The following ATIC variants were observed in gnomAD, a reference collection of about 807,000 sequenced individuals.
ATIC encodes the protein bifunctional purine biosynthesis protein ATIC.
A neutral mutation model predicts 72.5 loss-of-function variants in ATIC; 64 were observed. The observed-to-expected ratio is 0.88, with a 90% CI of 0.72 to 1.09. ATIC has a LOEUF of 1.09. Among genes scored for constraint, ATIC ranks in the 50% least tolerant of loss-of-function variants. The pLI is 0.00. For missense variants in ATIC, 787 were observed against 732.4 expected (o/e 1.07, Z -0.86); for synonymous variants, 281 against 267.1 (o/e 1.05, Z -0.51).
At chr2:215,367,697 C>T in the ATIC span, 1 of 727,208 alleles carries the variant, frequency 1.4e-6, no homozygotes, top group Non-Finnish European at 2.4e-6. Flanking sequence ...AATTTCCCAT[C>T]ATTTTTCTAT....
chr2:215,315,954 CAAA>C (rs1165120321), intron 2 of ATIC, among the ~76,000 whole-genome samples: 4 of 110,488 alleles, frequency 3.6e-5, no homozygotes, highest in African/African-American at 6.7e-5. Context: ...AACACTGTCT[CAAA>C]AAAAAAAAAA....
At chr2:215,347,507 T>C (rs2106044273) in intron 14 of ATIC, 1 of 464,796 alleles carries the variant, frequency 2.2e-6, no homozygotes, top group Non-Finnish European at 4.3e-6. Context: ...TCTAGCCCAG[T>C]TTCTGGACAT....
At chr2:215,344,715 A>T in intron 12 of ATIC, 64 bp from the exon 13 acceptor site, 1 of 1,477,230 alleles carries the variant, frequency 6.8e-7, no homozygotes. Context: ...ATTTAAAAAA[A>T]GAAGCTTAAA....
chr2:215,351,254 C>G (rs1342555815), downstream of ATIC, among the ~76,000 whole-genome samples: 2 of 152,230 alleles, frequency 1.3e-5, no homozygotes, highest in Admixed American at 1.3e-4. Context: ...CATCTGGCTT[C>G]AACCTCTTCA....
In ATIC at chr2:215,334,917, A is replaced by G. The variant is rs776096469; in HGVS notation, c.923-2A>G. ...AATACCTCATTTTAATTTTATTTAC[A>G]GGGGCTGATAGGATGTCTTCATTTG... On this transcript the variant is annotated splice_acceptor_variant, in intron 9 of 15. Coordinates refer to ENST00000236959, the MANE Select transcript of ATIC (RefSeq NM_004044.7). LOFTEE classifies it high-confidence loss of function. The G allele has an allele frequency of 1.9e-5, 31 of 1,612,184 alleles. No homozygotes were observed. Among genetic ancestry groups the G allele is most frequent in the Non-Finnish European group, 2.6e-5 (31 of 1,178,688 alleles).
At chr2:215,346,306 T>C (rs1436150748) in intron 13 of ATIC, among the ~76,000 whole-genome samples, 1 of 152,038 alleles carries the variant, frequency 6.6e-6, no homozygotes, top group East Asian at 1.9e-4. Context: ...GGACTGCAGG[T>C]GTGCGCCACT....
At chr2:215,315,477 C>G (rs1299176336) in intron 2 of ATIC, among the ~76,000 whole-genome samples, 1 of 152,168 alleles carries the variant, frequency 6.6e-6, no homozygotes, top group Non-Finnish European at 1.5e-5. Context: ...CCACCTCAGC[C>G]TCCTGAGTAT....
chr2:215,316,190 A>G (rs1410069990), intron 2 of ATIC, among the ~76,000 whole-genome samples: 1 of 152,130 alleles, frequency 6.6e-6, no homozygotes, highest in Non-Finnish European at 1.5e-5. Context: ...AATTACCCCA[A>G]ATGTTTAATT....
At chr2:215,365,043 A>C in the ATIC span, 1 of 1,109,494 alleles carries the variant, frequency 9.0e-7, no homozygotes, top group Non-Finnish European at 1.3e-6. Context: ...TGCAGACTTG[A>C]TCTAGGGGTG....
chr2:215,332,280 A>G, intron 7 of ATIC, 102 bp from the exon 8 acceptor site: 1 of 1,508,828 alleles, frequency 6.6e-7, no homozygotes, highest in South Asian at 1.1e-5. Context: ...TCTTAATTAT[A>G]CTTAAAACAT....
chr2:215,338,623 T>C, intron 11 of ATIC, 156 bp from the exon 12 acceptor site: 2 of 697,340 alleles, frequency 2.9e-6, no homozygotes, highest in Non-Finnish European at 4.5e-6. Flanking sequence ...TAACACATCA[T>C]TTGTTGTGTG....
At chr2:215,317,239 C>T in intron 2 of ATIC, among the ~76,000 whole-genome samples, 1 of 151,974 alleles carries the variant, frequency 6.6e-6, no homozygotes, top group East Asian at 1.9e-4. Flanking sequence ...TTCTAGTTTA[C>T]TTTTTTTTCC....
intron 7 of ATIC, among the ~76,000 whole-genome samples, 167 bp downstream of exon 7, chr2:215,327,145 A>T (rs777913165): frequency 3.9e-5 from 6 of 152,192 alleles, no homozygotes; most frequent in Non-Finnish European, 8.8e-5. Flanking sequence ...TGAAGAGCAC[A>T]GAAGTTGAGT....
In ATIC at chr2:215,313,515, C is replaced by A. The variant is rs184396848; in HGVS notation, c.146+891C>A. On this transcript the variant is annotated intron_variant, in intron 2 of 15. Transcript: ENST00000236959. Reference sequence around the variant, plus strand: ...CTGAAAGGTAGAAAAATGAAAAAAACTATAGGATAGCTATTTAATAAACGG... The same window carrying A: ...CTGAAAGGTAGAAAAATGAAAAAAAATATAGGATAGCTATTTAATAAACGG... Among the ~76,000 whole-genome samples, 4 of 152,218 alleles carry A rather than the reference C, an allele frequency of 2.6e-5. No homozygotes were observed. The East Asian group carries it at 7.7e-4, about 29-fold the overall frequency.
At position 215,312,077 on chromosome 2, in the gene ATIC, T is replaced by G; in HGVS notation, c.-66T>G. On this transcript the variant is annotated 5_prime_UTR_variant, in exon 1 of 16. Coordinates refer to ENST00000236959, the MANE Select transcript of ATIC (RefSeq NM_004044.7). The stretch of plus-strand genomic sequence containing the variant: ...CTGAGCCGCCACATCCCGGCAGCCC[T>G]CCTACCTGCGCACGTGGTGCCGCCG... 1 of 1,528,670 alleles carries G rather than the reference T, an allele frequency of 6.5e-7. No homozygotes were observed. The highest frequency in any genetic ancestry group is 2.5e-5 in the East Asian group (1 of 40,498). 94.7% of individuals were successfully genotyped at this position (1,528,670 alleles called of 1,614,324 possible).
chr2:215,346,624 A>C, intron 13 of ATIC, 135 bp from the exon 14 acceptor site: 2 of 997,466 alleles, frequency 2.0e-6, no homozygotes, highest in Non-Finnish European at 3.1e-6. Flanking sequence ...AAAATTATTT[A>C]TATTTCTCTT....
At chr2:215,334,622 C>T (rs1306423669) in intron 9 of ATIC, among the ~76,000 whole-genome samples, 1 of 152,208 alleles carries the variant, frequency 6.6e-6, no homozygotes, top group Non-Finnish European at 1.5e-5. Context: ...TTATCATCTA[C>T]AGCAGTGGTC....
At chr2:215,315,532 T>G (rs2052699217) in intron 2 of ATIC, among the ~76,000 whole-genome samples, 1 of 152,184 alleles carries the variant, frequency 6.6e-6, no homozygotes, top group South Asian at 2.1e-4. Context: ...AATTTTTGTA[T>G]TTTTCATAGA....
chr2:215,319,548 T>A lies in ATIC; in HGVS notation c.224-117T>A, dbSNP rs150728584. 2.5e-3 allele frequency: 2,068 copies of A among 813,172 alleles called. 31 individuals carry two copies. In the African/African-American group the frequency reaches 0.031, roughly 12 times the overall value. 50.4% of individuals were successfully genotyped at this position (813,172 alleles called of 1,614,324 possible). A position where few individuals can be genotyped will look rare whatever the true frequency, so the allele number is the denominator to read the frequency against. On this transcript the variant is annotated intron_variant, in intron 3 of 15. Transcript: ENST00000236959. ...ATAGAGTGAGACCATCTCAAAAAAA[T>A]AAATTTTTTTTTTAATCAATGGGAT...
Sources: allele counts gnomAD v4.1 joint callset (sites outside exome capture counted in the v4.1 genomes callset), GRCh38; gene constraint gnomAD v4.1.1; transcripts MANE v1.5; gene names NCBI Gene and HGNC (gene_info 2026-07-23, HGNC 2026-07-21).